Variants in MORN5 observed in about 807,000 individuals in gnomAD.
MORN5 encodes the protein MORN repeat-containing protein 5.
Under a neutral mutation model 22.1 loss-of-function variants are expected in MORN5, and 21 were observed. The ratio of observed to expected loss-of-function variants is 0.95; its 90% CI spans 0.67 to 1.37. MORN5 has a LOEUF of 1.37. Ranked by LOEUF, MORN5 falls within the 40% of genes most tolerant of loss-of-function variation. The probability of loss-of-function intolerance (pLI) is 0.00; values close to 1 mark genes in which losing one functional copy is unlikely to be tolerated. For missense variants in MORN5, 211 were observed against 215.1 expected (o/e 0.98, Z 0.12); for synonymous variants, 73 against 74.0 (o/e 0.99, Z 0.07).
In MORN5 at chr9:122,175,578, G is replaced by GCA. The variant is rs139869115; in HGVS notation, c.439+965_439+966dup. On this transcript the variant is annotated intron_variant, in intron 4 of 4. Transcript: ENST00000373764. ...CTTGCCAGAAAAATGTCCAATGCAT[G>GCA]CACACACACACACACGTGCACCCAC... 147 of 854,762 alleles carry GCA rather than the reference G, an allele frequency of 1.7e-4. 1 individual carries two copies. Among genetic ancestry groups the GCA allele is most frequent in the Middle Eastern group, 5.9e-4 (1 of 1,694 alleles). The allele number at this position is 854,762 out of a possible 1,614,324, so 52.9% of individuals were successfully genotyped here. A position where few individuals can be genotyped will look rare whatever the true frequency, so the allele number is the denominator to read the frequency against.
At chr9:122,169,874 C>A in intron 3 of MORN5, 118 bp downstream of exon 3, 1 of 743,806 alleles carries the variant, frequency 1.3e-6, no homozygotes, top group Non-Finnish European at 2.3e-6. Context: ...ACTGAGCAGG[C>A]GTAGAAGAAT....
intron 1 of MORN5, among the ~76,000 whole-genome samples, chr9:122,166,139 G>A (rs1206367126): frequency 2.0e-5 from 3 of 152,232 alleles, no homozygotes; most frequent in East Asian, 3.9e-4. Flanking sequence ...TCACTATCAT[G>A]AGAACAGCAT....
chr9:122,199,520 G>C (rs1053391682), intron 4 of MORN5, among the ~76,000 whole-genome samples: 1 of 152,120 alleles, frequency 6.6e-6, no homozygotes. Context: ...TAGCACCACC[G>C]GCAAGGCCTA....
intron 1 of MORN5, among the ~76,000 whole-genome samples, chr9:122,161,825 T>G (rs558986174): frequency 6.6e-6 from 1 of 152,366 alleles, no homozygotes; most frequent in East Asian, 1.9e-4. Context: ...GTTTGTGTGC[T>G]GAATCAGCCA....
rs773952243 is a variant in MORN5, at chr9:122,166,927, G to T, written c.195+12G>T. On this transcript the variant is annotated intron_variant, in intron 2 of 4. Transcript: ENST00000373764. ...GATTGGCCATAAAGGTGATCAGCTGGGGGGACGGATGCTGTGGAGGAGAGA... is the reference window on the plus strand; with the variant it reads ...GATTGGCCATAAAGGTGATCAGCTGTGGGGACGGATGCTGTGGAGGAGAGA... 4 of 1,611,524 alleles carry T rather than the reference G, an allele frequency of 2.5e-6. No homozygotes were observed. The highest frequency in any genetic ancestry group is 1.3e-5 in the African/African-American group (1 of 74,860).
At chr9:122,166,294 A>ATATATATAT (rs200859903) in intron 1 of MORN5, among the ~76,000 whole-genome samples, 3 of 151,716 alleles carry the variant, frequency 2.0e-5, no homozygotes, top group African/African-American at 7.3e-5. Flanking sequence ...ATATATATAT[A>ATATATATAT]ATGGTGGTAA....
At chr9:122,186,974 A>G (rs966131876) in intron 4 of MORN5, among the ~76,000 whole-genome samples, 1 of 152,148 alleles carries the variant, frequency 6.6e-6, no homozygotes, top group Non-Finnish European at 1.5e-5. Context: ...CAACTCTGCC[A>G]CTCACCAGCT....
chr9:122,174,865 G>C, intron 4 of MORN5: 1 of 1,327,490 alleles, frequency 7.5e-7, no homozygotes, highest in South Asian at 1.5e-5. Context: ...CATAAATGTC[G>C]CACTGAAAGG....
chr9:122,162,211 G>A (rs1222732142), intron 1 of MORN5, among the ~76,000 whole-genome samples: 1 of 152,130 alleles, frequency 6.6e-6, no homozygotes, highest in African/African-American at 2.4e-5. Flanking sequence ...GTGTTCCAAG[G>A]AATATGTAAT....
In MORN5 at chr9:122,159,933, G is replaced by C. The variant is rs987793130; in HGVS notation, c.-40G>C. On this transcript the variant is annotated 5_prime_UTR_variant, in exon 1 of 5. Transcript: ENST00000373764. ...GTCATAGTGATGCCGTATCCACTGAGACTCCGGATCCTAACAGCTGGAAGC... is the reference window on the plus strand; with the variant it reads ...GTCATAGTGATGCCGTATCCACTGACACTCCGGATCCTAACAGCTGGAAGC... The C allele has an allele frequency of 7.5e-6, 12 of 1,605,350 alleles. No individual in the cohort carries two copies. Among genetic ancestry groups the C allele is most frequent in the Non-Finnish European group, 1.0e-5 (12 of 1,172,104 alleles).
At chr9:122,177,639 G>T (rs1016268114) in intron 4 of MORN5, among the ~76,000 whole-genome samples, 1 of 152,068 alleles carries the variant, frequency 6.6e-6, no homozygotes, top group Admixed American at 6.5e-5. Flanking sequence ...TGCCATGTTG[G>T]CCGGGCTGGT....
intron 3 of MORN5, among the ~76,000 whole-genome samples, chr9:122,172,864 C>T (rs1022329106): frequency 1.3e-5 from 2 of 152,202 alleles, no homozygotes; most frequent in African/African-American, 2.4e-5. Flanking sequence ...TAAGCTCCTA[C>T]TGTATGTCAG....
In MORN5 at chr9:122,192,112, C is replaced by T. The variant is rs76905504; in HGVS notation, c.440-7773C>T. ...GAGGGTGGCTCAGAGATGGGAGTGA[C>T]GTGTCCAAAATCACCCAGCGAGTCG... On this transcript the variant is annotated intron_variant, in intron 4 of 4. Coordinates refer to ENST00000373764, the MANE Select transcript of MORN5 (RefSeq NM_198469.4). Among the ~76,000 whole-genome samples the T allele has an allele frequency of 8.4e-3, 1,282 of 152,296 alleles. 40 individuals are homozygous for T. The East Asian group carries it at 0.097, about 12-fold the overall frequency.
At chr9:122,180,901 C>T (rs1238198520) in intron 4 of MORN5, among the ~76,000 whole-genome samples, 3 of 152,218 alleles carry the variant, frequency 2.0e-5, no homozygotes, top group Non-Finnish European at 4.4e-5. Flanking sequence ...GTGTTCCCAG[C>T]ATCTCACATG....
chr9:122,178,728 G>T (rs1588306700), intron 4 of MORN5, among the ~76,000 whole-genome samples: 1 of 152,200 alleles, frequency 6.6e-6, no homozygotes, highest in Non-Finnish European at 1.5e-5. Flanking sequence ...CCAGTAGGGT[G>T]ATCAAAACCT....
intron 4 of MORN5, among the ~76,000 whole-genome samples, chr9:122,196,245 C>A (rs973556943): frequency 2.0e-5 from 3 of 151,990 alleles, no homozygotes; most frequent in Non-Finnish European, 4.4e-5. Flanking sequence ...AGTTATGAGC[C>A]ACCACGCCCA....
intron 2 of MORN5, among the ~76,000 whole-genome samples, chr9:122,169,349 C>G (rs1290366458): frequency 6.6e-6 from 1 of 152,188 alleles, no homozygotes; most frequent in Non-Finnish European, 1.5e-5. Flanking sequence ...TCAATCAACC[C>G]TATTTTATGT....
intron 4 of MORN5, among the ~76,000 whole-genome samples, chr9:122,179,034 G>C (rs1192828710): frequency 6.6e-6 from 1 of 152,096 alleles, no homozygotes; most frequent in African/African-American, 2.4e-5. Flanking sequence ...AGTAAGCCAG[G>C]GAGGTTTCCT....
intron 1 of MORN5, among the ~76,000 whole-genome samples, chr9:122,162,876 G>T (rs1001207124): frequency 6.6e-6 from 1 of 152,120 alleles, no homozygotes; most frequent in Non-Finnish European, 1.5e-5. Flanking sequence ...CTTTTGTGGG[G>T]AGTAGATATT....
Sources: allele counts gnomAD v4.1 joint callset (sites outside exome capture counted in the v4.1 genomes callset), GRCh38; gene constraint gnomAD v4.1.1; transcripts MANE v1.5; gene names NCBI Gene and HGNC (gene_info 2026-07-23, HGNC 2026-07-21).